The following SGCG variants were observed in gnomAD, a reference collection of about 807,000 sequenced individuals.
The protein encoded by SGCG is sarcoglycan gamma.
SGCG carries 26 observed loss-of-function variants against 29.3 expected under a neutral mutation model. The observed-to-expected ratio is 0.89, with a 90% confidence interval of 0.65 to 1.23. SGCG has a LOEUF of 1.23. SGCG is among the 50% of genes most tolerant of loss of function. The probability of loss-of-function intolerance (pLI) is 0.00; values close to 1 mark genes in which losing one functional copy is unlikely to be tolerated. For synonymous variants in SGCG, 145 were observed against 129.7 expected (o/e 1.12, Z -0.80); for missense variants, 353 against 356.0 (o/e 0.99, Z 0.07).
chr13:23,304,749 G>A (rs908862120), intron 6 of SGCG, among the ~76,000 whole-genome samples: 7 of 152,146 alleles, frequency 4.6e-5, no homozygotes, highest in African/African-American at 1.7e-4. Context: ...TATTACAGGA[G>A]CCTGCCATCA....
intron 2 of SGCG, among the ~76,000 whole-genome samples, chr13:23,231,541 C>T (rs1383520098): frequency 6.6e-6 from 1 of 152,006 alleles, no homozygotes; most frequent in Non-Finnish European, 1.5e-5. Context: ...TACTTGAACC[C>T]AGAAATTTGG....
In SGCG at chr13:23,295,398, CTTTGTTT is replaced by C. The variant is rs754510983; in HGVS notation, c.506-9_506-3del. 1 of 1,599,142 alleles carries C rather than the reference CTTTGTTT, an allele frequency of 6.3e-7. No individual in the cohort carries two copies. The highest frequency in any genetic ancestry group is 8.6e-7 in the Non-Finnish European group (1 of 1,166,358). ...TATTTTACTTCTGCTCCTGATACAT[CTTTGTTT>C]TTTGTTTAGGGCCTGAAGGGGCTCT... On this transcript the variant is annotated splice_polypyrimidine_tract_variant and intron_variant, in intron 5 of 7. Transcript: ENST00000218867.
At chr13:23,276,525 C>T (rs1566027105) in intron 4 of SGCG, among the ~76,000 whole-genome samples, 6 of 150,882 alleles carry the variant, frequency 4.0e-5, no homozygotes, top group Admixed American at 6.6e-5. Context: ...CTCCACCTCC[C>T]GGGTTCAAGC....
chr13:23,273,449 C>T (rs923442520), intron 4 of SGCG, among the ~76,000 whole-genome samples: 6 of 152,172 alleles, frequency 3.9e-5, no homozygotes, highest in South Asian at 4.1e-4. Flanking sequence ...CCTCCCAAAG[C>T]GCTGGGATTA....
the SGCG span, among the ~76,000 whole-genome samples, chr13:23,170,270 G>A: frequency 3.9e-5 from 6 of 152,156 alleles, no homozygotes; most frequent in East Asian, 1.2e-3. Context: ...AATGTACTTA[G>A]GGCCAAACCC....
intron 4 of SGCG, among the ~76,000 whole-genome samples, chr13:23,256,531 C>T: frequency 6.7e-6 from 1 of 149,516 alleles, no homozygotes; most frequent in Non-Finnish European, 1.5e-5. Context: ...CTCCCCCATT[C>T]CCCCACCCCA....
At chr13:23,160,885 G>A in the SGCG span, among the ~76,000 whole-genome samples, 2 of 152,162 alleles carry the variant, frequency 1.3e-5, no homozygotes, top group African/African-American at 2.4e-5. Flanking sequence ...AGAGTAAAAT[G>A]TAATTTAGAC....
the SGCG span, among the ~76,000 whole-genome samples, chr13:23,166,963 G>C: frequency 6.6e-6 from 1 of 151,942 alleles, no homozygotes; most frequent in Non-Finnish European, 1.5e-5. Flanking sequence ...AATTATTATT[G>C]ACTATAGTCA....
At chr13:23,276,976 T>C (rs1465033339) in intron 4 of SGCG, among the ~76,000 whole-genome samples, 1 of 152,180 alleles carries the variant, frequency 6.6e-6, no homozygotes, top group Non-Finnish European at 1.5e-5. Flanking sequence ...CACAGAACCT[T>C]GTACATAAAA....
At chr13:23,251,840 GA>G (rs1879981115) in intron 4 of SGCG, among the ~76,000 whole-genome samples, 1 of 152,152 alleles carries the variant, frequency 6.6e-6, no homozygotes, top group African/African-American at 2.4e-5. Flanking sequence ...GTCATTATCA[GA>G]AAATAAATGA....
intron 4 of SGCG, among the ~76,000 whole-genome samples, chr13:23,253,712 A>G (rs549828835): frequency 3.9e-5 from 6 of 152,310 alleles, no homozygotes; most frequent in Middle Eastern, 3.4e-3. Context: ...GTGATTCCCA[A>G]TGTGGAAGGT....
the SGCG span, among the ~76,000 whole-genome samples, chr13:23,173,909 A>G: frequency 2.0e-5 from 3 of 152,220 alleles, no homozygotes; most frequent in Admixed American, 2.0e-4. Context: ...ACTAGAAATG[A>G]AAATTAGGAC....
At chr13:23,313,330 C>T (rs1480252007) in intron 6 of SGCG, among the ~76,000 whole-genome samples, 3 of 151,980 alleles carry the variant, frequency 2.0e-5, no homozygotes, top group Admixed American at 1.3e-4. Flanking sequence ...ATGCCCAGCT[C>T]ATTTTTGTAT....
At chr13:23,184,719 G>A (rs1416810850) in intron 1 of SGCG, among the ~76,000 whole-genome samples, 1 of 152,072 alleles carries the variant, frequency 6.6e-6, no homozygotes, top group East Asian at 1.9e-4. Context: ...AAGTGTCCTT[G>A]GCCTCAGCCC....
chr13:23,187,213 C>G (rs1036863990), intron 1 of SGCG, among the ~76,000 whole-genome samples: 5 of 152,164 alleles, frequency 3.3e-5, no homozygotes. Context: ...ACTGGGTGAG[C>G]CACTCTCGCT....
chr13:23,201,300 G>A lies in SGCG; in HGVS notation c.1-2395G>A, dbSNP rs1877745046. ...GAACAAAAGCATTATCTAGTAGACA[G>A]AATAATGGCCCCCACAGACATTCGT... is the stretch of plus-strand genomic sequence containing the variant. On this transcript the variant is annotated intron_variant, in intron 1 of 7. Transcript: ENST00000218867. Among the ~76,000 whole-genome samples the A allele has an allele frequency of 2.6e-5, 4 of 152,290 alleles. No individual in the cohort carries two copies. The South Asian group carries it at 8.3e-4, about 32-fold the overall frequency.
At chr13:23,315,603 C>CT (rs1882775940) in intron 6 of SGCG, among the ~76,000 whole-genome samples, 1 of 152,186 alleles carries the variant, frequency 6.6e-6, no homozygotes, top group African/African-American at 2.4e-5. Context: ...CACTACAGCC[C>CT]CTTTCTAGGA....
At chr13:23,182,683 G>A (rs898607930) in intron 1 of SGCG, among the ~76,000 whole-genome samples, 1 of 152,172 alleles carries the variant, frequency 6.6e-6, no homozygotes, top group Non-Finnish European at 1.5e-5. Context: ...TTAGTAATTT[G>A]TGAATGGTAA....
At chr13:23,293,768 T>C (rs1881803784) in intron 5 of SGCG, among the ~76,000 whole-genome samples, 1 of 151,492 alleles carries the variant, frequency 6.6e-6, no homozygotes, top group African/African-American at 2.4e-5. Context: ...GAGGCGGAGA[T>C]TGCAGTGAGC....
Sources: allele counts gnomAD v4.1 joint callset (sites outside exome capture counted in the v4.1 genomes callset), GRCh38; gene constraint gnomAD v4.1.1; transcripts MANE v1.5; gene names NCBI Gene and HGNC (gene_info 2026-07-23, HGNC 2026-07-21).